The following MITD1 variants were observed in gnomAD, a reference collection of about 807,000 sequenced individuals.
MITD1 encodes the protein microtubule interacting and trafficking domain containing 1.
In MITD1, 24 loss-of-function variants were observed where a neutral mutation model predicts 34.9. The ratio of observed to expected loss-of-function variants is 0.69; its 90% CI spans 0.50 to 0.97. The LOEUF is 0.97. Ranked by LOEUF, MITD1 falls within the 50% of genes least tolerant of loss-of-function variation. The probability of loss-of-function intolerance (pLI) is 0.00; values close to 1 mark genes in which losing one functional copy is unlikely to be tolerated. For synonymous variants in MITD1, 102 were observed against 101.4 expected, an observed-to-expected ratio of 1.01 and a Z score of -0.04; for missense variants, 266 against 294.6, an observed-to-expected ratio of 0.90 and a Z score of 0.71.
exon 8 of MITD1, chr2:99,161,976 A>G (rs755910778): frequency 5.0e-6 from 8 of 1,599,400 alleles, no homozygotes; most frequent in African/African-American, 4.0e-5. Context: ...CCCATTTTCA[A>G]TGAAGAATTG....
At chr2:99,180,345 A>G (rs2093910550) in intron 1 of MITD1, among the ~76,000 whole-genome samples, 1 of 152,170 alleles carries the variant, frequency 6.6e-6, no homozygotes, top group South Asian at 2.1e-4. Context: ...TAGAGCTTCG[A>G]TTTTTAAGAA....
intron 1 of MITD1, among the ~76,000 whole-genome samples, chr2:99,175,740 C>T (rs1348847997): frequency 6.6e-6 from 1 of 152,190 alleles, no homozygotes; most frequent in East Asian, 1.9e-4. Flanking sequence ...TTCCGTCATT[C>T]CTTCTCAATC....
downstream of MITD1, chr2:99,161,911 T>A: frequency 6.9e-7 from 1 of 1,454,550 alleles, no homozygotes; most frequent in African/African-American, 1.4e-5. Flanking sequence ...GAATTTAATG[T>A]TCCTTTTCTC....
intron 7 of MITD1, chr2:99,163,197 CACA>C (rs1252275046): frequency 7.4e-6 from 4 of 542,364 alleles, no homozygotes; most frequent in Non-Finnish European, 1.2e-5. Flanking sequence ...AAAAACAAAA[CACA>C]ACAACCTAGT....
chr2:99,173,322 T>C (rs1559179518), intron 2 of MITD1: 1 of 347,616 alleles, frequency 2.9e-6, no homozygotes, highest in South Asian at 2.3e-5. Context: ...GCAGCAAGTA[T>C]GCACTCAGGT....
chr2:99,163,162 G>T, intron 7 of MITD1: 26 of 725,912 alleles, frequency 3.6e-5, no homozygotes, highest in South Asian at 1.8e-4. Context: ...AAAAAACCTA[G>T]TCTCTTTTAG....
chr2:99,180,778 G>A, intron 1 of MITD1, 53 bp downstream of exon 1: 1 of 1,486,512 alleles, frequency 6.7e-7, no homozygotes, highest in Non-Finnish European at 9.4e-7. Flanking sequence ...CCCAGACACA[G>A]CAGGAACCAG....
intron 3 of MITD1, 24 bp from the exon 4 acceptor site, chr2:99,171,453 T>C: frequency 6.3e-7 from 1 of 1,595,666 alleles, no homozygotes; most frequent in South Asian, 1.1e-5. Flanking sequence ...GAATGGATTA[T>C]TACTAATTTA....
At chr2:99,168,978 T>G (rs72959141), downstream of MITD1, among the ~76,000 whole-genome samples, 7,548 of 102,646 alleles carry the variant, frequency 0.074, 618 homozygotes, top group African/African-American at 0.16. Context: ...TTTTTTTTTT[T>G]CTGATACAGG....
chr2:99,179,431 G>A (rs2093903670), intron 1 of MITD1, among the ~76,000 whole-genome samples: 1 of 152,206 alleles, frequency 6.6e-6, no homozygotes, highest in Admixed American at 6.5e-5. Flanking sequence ...TGGTACGGAT[G>A]AAACGAGATC....
At chr2:99,162,331 A>G (rs1378655046) in intron 7 of MITD1, 1 of 1,613,588 alleles carries the variant, frequency 6.2e-7, no homozygotes, top group Non-Finnish European at 8.5e-7. Context: ...AAAAAGTATG[A>G]TAGAATGGAA....
chr2:99,163,166 C>T, intron 7 of MITD1: 3 of 659,606 alleles, frequency 4.5e-6, no homozygotes, highest in South Asian at 7.5e-5. Context: ...AACCTAGTCT[C>T]TTTTAGTAAC....
chr2:99,168,085 A>G (rs867782451), downstream of MITD1, among the ~76,000 whole-genome samples: 24 of 152,244 alleles, frequency 1.6e-4, no homozygotes, highest in South Asian at 5.0e-3. Context: ...CCAATACTGA[A>G]CACTGGTACT....
chr2:99,168,256 C>T (rs933451276), downstream of MITD1, among the ~76,000 whole-genome samples: 2 of 152,224 alleles, frequency 1.3e-5, no homozygotes, highest in Non-Finnish European at 2.9e-5. Context: ...ATTCTCCTGC[C>T]TCAGCCTCCC....
At chr2:99,161,879 G>A (rs1225698211), downstream of MITD1, 8 of 1,290,958 alleles carry the variant, frequency 6.2e-6, no homozygotes, top group East Asian at 4.8e-5. Flanking sequence ...TTAAATAACC[G>A]ATAATTGATA....
chr2:99,164,880 G>A (rs1403915665), downstream of MITD1, among the ~76,000 whole-genome samples: 1 of 151,642 alleles, frequency 6.6e-6, no homozygotes, highest in Non-Finnish European at 1.5e-5. Context: ...GGCAAAGGGT[G>A]TTAAGGGCTT....
At chr2:99,162,010 A>G (rs2093797073) in exon 8 of MITD1, 2 of 1,613,410 alleles carry the variant, frequency 1.2e-6, no homozygotes, top group Non-Finnish European at 1.7e-6. Flanking sequence ...TGTAACTGCC[A>G]GGTCCCAGCA....
intron 4 of MITD1, 81 bp from the exon 5 acceptor site, chr2:99,170,733 A>C: frequency 1.6e-6 from 1 of 638,650 alleles, no homozygotes; most frequent in East Asian, 2.8e-5. Context: ...AATCTATATC[A>C]CAGGTGGATT....
chr2:99,168,066 G>A (rs748797153), downstream of MITD1, among the ~76,000 whole-genome samples: 1 of 152,170 alleles, frequency 6.6e-6, no homozygotes, highest in Non-Finnish European at 1.5e-5. Context: ...ACATTTATAT[G>A]TGCACTCTCC....
Sources: allele counts gnomAD v4.1 joint callset (sites outside exome capture counted in the v4.1 genomes callset), GRCh38; gene constraint gnomAD v4.1.1; transcripts MANE v1.5; gene names NCBI Gene and HGNC (gene_info 2026-07-23, HGNC 2026-07-21).